PPP3CA: variants seen among roughly 807,000 people sequenced by gnomAD.
The protein encoded by PPP3CA is protein phosphatase 3 catalytic subunit alpha.
In PPP3CA, 14 loss-of-function variants were observed where a neutral mutation model predicts 66.5. That is an observed-to-expected ratio of 0.21 (90% CI 0.14 to 0.33). PPP3CA has a LOEUF of 0.33. Ranked by LOEUF, PPP3CA falls within the 10% of genes least tolerant of loss-of-function variation. The pLI, the probability that PPP3CA is intolerant of heterozygous loss-of-function variation, is 1.00. For missense variants in PPP3CA, 317 were observed against 639.5 expected, an observed-to-expected ratio of 0.50 and a Z score of 5.44; for synonymous variants, 232 against 226.2, an observed-to-expected ratio of 1.03 and a Z score of -0.23.
intron 2 of PPP3CA, among the ~76,000 whole-genome samples, chr4:101,182,926 C>G (rs777560335): frequency 2.0e-5 from 3 of 152,108 alleles, no homozygotes; most frequent in Non-Finnish European, 2.9e-5. Flanking sequence ...ACTTGCTCCT[C>G]CTTGCTTTCC....
intron 2 of PPP3CA, among the ~76,000 whole-genome samples, chr4:101,195,248 C>T (rs1242130290): frequency 1.6e-5 from 2 of 125,866 alleles, no homozygotes; most frequent in East Asian, 2.3e-4. Flanking sequence ...AGCCTGGTGA[C>T]AAGAGTGAAA....
chr4:101,287,196 A>T (rs1323048899), intron 1 of PPP3CA, among the ~76,000 whole-genome samples: 3 of 152,234 alleles, frequency 2.0e-5, no homozygotes, highest in Admixed American at 6.5e-5. Context: ...ACAAAAAAAA[A>T]TAGTTACTAG....
intron 1 of PPP3CA, among the ~76,000 whole-genome samples, chr4:101,248,137 C>A (rs1340912356): frequency 6.6e-6 from 1 of 152,150 alleles, no homozygotes; most frequent in East Asian, 1.9e-4. Flanking sequence ...CCTCTTTTGG[C>A]CCTTCCAAAA....
intron 1 of PPP3CA, among the ~76,000 whole-genome samples, chr4:101,243,677 G>A (rs548087220): frequency 4.1e-4 from 62 of 152,256 alleles, no homozygotes; most frequent in African/African-American, 1.5e-3. Flanking sequence ...AGATTTGAGT[G>A]TCTGTGAATT....
At chr4:101,064,017 C>T (rs1305750096) in intron 8 of PPP3CA, among the ~76,000 whole-genome samples, 1 of 151,890 alleles carries the variant, frequency 6.6e-6, no homozygotes. Flanking sequence ...AAATTATAAT[C>T]TATTATCGTT....
chr4:101,233,733 CT>C (rs56208114), intron 1 of PPP3CA, among the ~76,000 whole-genome samples: 10,713 of 149,596 alleles, frequency 0.072, 552 homozygotes, highest in East Asian at 0.19. Flanking sequence ...ATTTACAGGT[CT>C]TTTTTTTTTT....
chr4:101,307,470 G>A (rs1169320622), intron 1 of PPP3CA, among the ~76,000 whole-genome samples: 1 of 152,280 alleles, frequency 6.6e-6, no homozygotes, highest in African/African-American at 2.4e-5. Context: ...CTTATCAGCT[G>A]AAAATAAATC....
intron 1 of PPP3CA, among the ~76,000 whole-genome samples, chr4:101,220,662 A>G (rs1196084134): frequency 6.6e-6 from 1 of 151,656 alleles, no homozygotes; most frequent in African/African-American, 2.4e-5. Flanking sequence ...ACAATTGGTT[A>G]TTTTACTTCC....
In PPP3CA at chr4:101,061,174, A is replaced by G; in HGVS notation, c.1082-13T>C. The stretch of plus-strand genomic sequence containing the variant: ...AGCATCTCAGTCACTAAAGAGAGAA[A>G]GCAAAGAAAGAAAAGTCAGGGTTTT... On this transcript the variant is annotated splice_polypyrimidine_tract_variant and intron_variant, in intron 9 of 13. Coordinates refer to ENST00000394854, the MANE Select transcript of PPP3CA (RefSeq NM_000944.5). 6.2e-7 allele frequency: 1 copy of G among 1,608,528 alleles called. No homozygotes were observed. The highest frequency in any genetic ancestry group is 8.5e-7 in the Non-Finnish European group (1 of 1,175,498).
At chr4:101,168,056 A>G (rs918088060) in intron 2 of PPP3CA, among the ~76,000 whole-genome samples, 2 of 152,004 alleles carry the variant, frequency 1.3e-5, no homozygotes, top group African/African-American at 4.8e-5. Flanking sequence ...CTGGGTTGAG[A>G]ATGGGGGCAG....
chr4:101,186,834 A>G (rs1184063039), intron 2 of PPP3CA, among the ~76,000 whole-genome samples: 1 of 152,138 alleles, frequency 6.6e-6, no homozygotes, highest in African/African-American at 2.4e-5. Flanking sequence ...CTATACTTCT[A>G]ATCACCAAAA....
intron 2 of PPP3CA, among the ~76,000 whole-genome samples, chr4:101,140,827 C>A (rs1372059629): frequency 6.6e-6 from 1 of 152,158 alleles, no homozygotes. Context: ...CACAGACACT[C>A]ATTTCTTTGA....
chr4:101,341,204 TTTTC>T (rs1446958369), intron 1 of PPP3CA, among the ~76,000 whole-genome samples: 260 of 22,834 alleles, frequency 0.011, 3 homozygotes, highest in African/African-American at 0.066. Flanking sequence ...CTTTTTTTCT[TTTTC>T]TTTTTTTTTT....
intron 2 of PPP3CA, among the ~76,000 whole-genome samples, chr4:101,154,808 ATTTTTTTTTTTT>A (rs779695561): frequency 1.1e-5 from 1 of 90,616 alleles, no homozygotes; most frequent in African/African-American, 5.1e-5. Flanking sequence ...CACTCCCAGA[ATTTTTTTTTTTT>A]TTTTTTTTTT....
At chr4:101,272,275 A>G (rs1727359794) in intron 1 of PPP3CA, among the ~76,000 whole-genome samples, 1 of 152,192 alleles carries the variant, frequency 6.6e-6, no homozygotes, top group African/African-American at 2.4e-5. Context: ...TACCTTAGGA[A>G]GTACTACTAG....
intron 2 of PPP3CA, among the ~76,000 whole-genome samples, chr4:101,190,771 G>A (rs1160949373): frequency 6.6e-6 from 1 of 152,052 alleles, no homozygotes; most frequent in African/African-American, 2.4e-5. Context: ...AATATGCCAA[G>A]CATTCTGTTT....
Position 101,032,260 on chromosome 4 carries a change from T to A in PPP3CA, c.1339+7A>T. The A allele has an allele frequency of 6.3e-7, 1 of 1,589,420 alleles. No individual in the cohort carries two copies. The highest frequency in any genetic ancestry group is 8.6e-7 in the Non-Finnish European group (1 of 1,168,964). On this transcript the variant is annotated splice_region_variant and intron_variant, in intron 12 of 13. Coordinates refer to ENST00000394854, the MANE Select transcript of PPP3CA (RefSeq NM_000944.5). ...CAGCACACAGTCATACCCATCAGCC[T>A]GCTTACCGCTTTGCAGGGTTTGCTT... is the stretch of plus-strand genomic sequence containing the variant.
At chr4:101,327,427 G>C (rs1479094052) in intron 1 of PPP3CA, among the ~76,000 whole-genome samples, 3 of 151,106 alleles carry the variant, frequency 2.0e-5, no homozygotes, top group Admixed American at 6.6e-5. Flanking sequence ...CCCAAAAGAA[G>C]AGCTCTCATA....
rs759117457 is a variant in PPP3CA at position 101,144,990 on chromosome 4, T to C, written c.260-35912A>G. 4.6e-4 allele frequency among the ~76,000 whole-genome samples: 70 copies of C among 152,292 alleles called. No homozygotes were observed. In the Middle Eastern group the frequency reaches 0.014, roughly 30 times the overall value. ...ATACAAATACAAAAATTAGAAATAC[T>C]TCCCTTTGATTGGTATAGTAAACTC... is the stretch of plus-strand genomic sequence containing the variant. On this transcript the variant is annotated intron_variant, in intron 2 of 13. Coordinates refer to ENST00000394854, the MANE Select transcript of PPP3CA (RefSeq NM_000944.5).
Sources: allele counts gnomAD v4.1 joint callset (sites outside exome capture counted in the v4.1 genomes callset), GRCh38; gene constraint gnomAD v4.1.1; transcripts MANE v1.5; gene names NCBI Gene and HGNC (gene_info 2026-07-23, HGNC 2026-07-21).